The following TAS2R1 variants were observed in gnomAD, a reference collection of about 807,000 sequenced individuals.
TAS2R1 encodes taste receptor type 2 member 1.
For synonymous variants in TAS2R1, 141 were observed against 134.2 expected (o/e 1.05, Z -0.35); for missense variants, 370 against 353.4 (o/e 1.05, Z -0.38).
At chr5:9,786,784 T>C in the TAS2R1 span, among the ~76,000 whole-genome samples, 1 of 152,192 alleles carries the variant, frequency 6.6e-6, no homozygotes, top group Non-Finnish European at 1.5e-5. Flanking sequence ...AATAACCTCC[T>C]TTACTGAGCA....
rs531679195 is a variant in TAS2R1, at chr5:9,705,145, C to T, written c.-242+7027G>A. 2.0e-5 allele frequency among the ~76,000 whole-genome samples: 3 copies of T among 152,162 alleles called. No individual in the cohort carries two copies. In the South Asian group the frequency reaches 6.2e-4, roughly 32 times the overall value. ...CTAGAATTACCGCAAAAAAAAAATC[C>T]CACAACAATTCAGAAAATTGCGTGC... On this transcript the variant is annotated intron_variant, in intron 1 of 2. Coordinates refer to the TAS2R1 transcript ENST00000506620.
intron 1 of TAS2R1, among the ~76,000 whole-genome samples, chr5:9,689,479 G>A (rs1161008965): frequency 1.3e-5 from 2 of 152,084 alleles, no homozygotes; most frequent in African/African-American, 4.8e-5. Context: ...TCAGAGCTAT[G>A]GCCGCAGGGA....
At chr5:9,902,207 T>C in the TAS2R1 span, among the ~76,000 whole-genome samples, 2 of 152,074 alleles carry the variant, frequency 1.3e-5, no homozygotes, top group Non-Finnish European at 2.9e-5. Context: ...TATAAAATCT[T>C]TATTACAAAT....
the TAS2R1 span, among the ~76,000 whole-genome samples, chr5:9,779,097 G>A: frequency 6.6e-6 from 1 of 152,314 alleles, no homozygotes; most frequent in South Asian, 2.1e-4. Flanking sequence ...GGCCATGGTG[G>A]CATATCTCTC....
chr5:9,751,888 T>C, the TAS2R1 span, among the ~76,000 whole-genome samples: 1 of 152,340 alleles, frequency 6.6e-6, no homozygotes, highest in South Asian at 2.1e-4. Flanking sequence ...TAATTAACCA[T>C]AGGTTCAGTT....
chr5:9,850,949 A>G, the TAS2R1 span, among the ~76,000 whole-genome samples: 2 of 152,168 alleles, frequency 1.3e-5, no homozygotes, highest in African/African-American at 4.8e-5. Flanking sequence ...GCTGAAAGAG[A>G]ACATTCTGTT....
At chr5:9,842,312 CTCTCTTTTTTTTTTTT>C in the TAS2R1 span, among the ~76,000 whole-genome samples, 2 of 120,378 alleles carry the variant, frequency 1.7e-5, no homozygotes, top group African/African-American at 6.0e-5. Flanking sequence ...GTCTTTCTTT[CTCTCTTTTTTTTTTTT>C]TTTTTTTTTT....
the TAS2R1 span, among the ~76,000 whole-genome samples, chr5:9,841,112 GCTGT>G: frequency 6.6e-6 from 1 of 151,998 alleles, no homozygotes; most frequent in East Asian, 1.9e-4. Context: ...TTAGAAGTCA[GCTGT>G]CTGTCTTATA....
chr5:9,783,116 C>T, the TAS2R1 span, among the ~76,000 whole-genome samples: 1 of 152,188 alleles, frequency 6.6e-6, no homozygotes, highest in Non-Finnish European at 1.5e-5. Flanking sequence ...CCTTGCCTTA[C>T]TCTATTGGCT....
the TAS2R1 span, among the ~76,000 whole-genome samples, chr5:9,901,085 C>G: frequency 6.6e-6 from 1 of 152,102 alleles, no homozygotes; most frequent in Non-Finnish European, 1.5e-5. Context: ...GTACTAGTGC[C>G]TCCCATTAGG....
the TAS2R1 span, among the ~76,000 whole-genome samples, chr5:9,724,186 C>G: frequency 1.3e-5 from 2 of 152,170 alleles, no homozygotes; most frequent in Non-Finnish European, 2.9e-5. Context: ...ATCTTCCCAT[C>G]GGCCACATTA....
chr5:9,795,424 T>G, the TAS2R1 span, among the ~76,000 whole-genome samples: 1 of 152,042 alleles, frequency 6.6e-6, no homozygotes. Context: ...ACATAACAGG[T>G]GTGCAACATA....
chr5:9,824,533 C>T, the TAS2R1 span, among the ~76,000 whole-genome samples: 6 of 152,096 alleles, frequency 3.9e-5, no homozygotes, highest in Admixed American at 3.9e-4. Flanking sequence ...AGGATTACAT[C>T]ACAGGGATGG....
chr5:9,766,657 T>C, the TAS2R1 span, among the ~76,000 whole-genome samples: 1 of 152,116 alleles, frequency 6.6e-6, no homozygotes, highest in Non-Finnish European at 1.5e-5. Flanking sequence ...GTAAGGGAGG[T>C]GTTCCGAATG....
At chr5:9,789,603 A>C in the TAS2R1 span, among the ~76,000 whole-genome samples, 3 of 152,236 alleles carry the variant, frequency 2.0e-5, no homozygotes, top group Non-Finnish European at 4.4e-5. Flanking sequence ...GGATCCCTCC[A>C]TGACAGCCTG....
At chr5:9,840,853 ATTTATTTTTTTTTTTTTT>A in the TAS2R1 span, among the ~76,000 whole-genome samples, 1,838 of 19,182 alleles carry the variant, frequency 0.096, 20 homozygotes, top group Middle Eastern at 0.19. Context: ...TTATTTATTT[ATTTATTTTTTTTTTTTTT>A]TTTTTTTTTT....
chr5:9,633,116 A>G (rs1049276822), upstream of TAS2R1, among the ~76,000 whole-genome samples: 1 of 151,564 alleles, frequency 6.6e-6, no homozygotes, highest in South Asian at 2.1e-4. Context: ...TGAAAACAGC[A>G]TAGATTTCCT....
intron 2 of TAS2R1, among the ~76,000 whole-genome samples, chr5:9,650,824 A>C (rs1294205695): frequency 6.6e-6 from 1 of 152,180 alleles, no homozygotes. Flanking sequence ...ATAAAGTTCC[A>C]TTAGAACATA....
intron 1 of TAS2R1, among the ~76,000 whole-genome samples, chr5:9,674,264 T>C (rs986462180): frequency 3.3e-5 from 5 of 152,162 alleles, no homozygotes; most frequent in African/African-American, 1.2e-4. Context: ...CAGTATATGA[T>C]GATAGTATAT....
Sources: allele counts gnomAD v4.1 joint callset (sites outside exome capture counted in the v4.1 genomes callset), GRCh38; gene constraint gnomAD v4.1.1; transcripts MANE v1.5; gene names NCBI Gene and HGNC (gene_info 2026-07-23, HGNC 2026-07-21).